Variants in CTNND1 observed in about 807,000 individuals in gnomAD.
CTNND1 encodes the protein catenin delta-1.
A neutral mutation model predicts 112.1 loss-of-function variants in CTNND1; 16 were observed. The observed-to-expected ratio is 0.14, with a 90% CI of 0.10 to 0.22. The LOEUF (loss-of-function observed/expected upper bound fraction) is 0.22, where lower values mean the gene tolerates loss of function less well. CTNND1 is among the 10% of genes least tolerant of loss of function. The pLI, the probability that CTNND1 is intolerant of heterozygous loss-of-function variation, is 1.00. For synonymous variants in CTNND1, 420 were observed against 446.5 expected (o/e 0.94, Z 0.75); for missense variants, 1,008 against 1,257.0 (o/e 0.80, Z 3.00).
intron 12 of CTNND1, among the ~76,000 whole-genome samples, chr11:57,807,774 G>A (rs1290688991): frequency 6.6e-6 from 1 of 152,070 alleles, no homozygotes; most frequent in Non-Finnish European, 1.5e-5. Flanking sequence ...AATCGCAGAG[G>A]TGGGAAGAAT....
intron 1 of CTNND1, among the ~76,000 whole-genome samples, chr11:57,787,748 C>T (rs1306728246): frequency 6.6e-6 from 1 of 152,194 alleles, no homozygotes; most frequent in East Asian, 1.9e-4. Context: ...AGAATATCTC[C>T]CCATGCTTTT....
chr11:57,815,378 T>C lies in CTNND1; in HGVS notation c.2702-16T>C. ...GGGAATGTCATATTTCTGTGTACTT[T>C]TTTTTTTTTAACCAGATAACAACTA... On this transcript the variant is annotated splice_polypyrimidine_tract_variant and intron_variant, in intron 18 of 20. Transcript: ENST00000399050. The C allele has an allele frequency of 6.7e-7, 1 of 1,488,594 alleles. No individual in the cohort carries two copies. The highest frequency in any genetic ancestry group is 9.1e-7 in the Non-Finnish European group (1 of 1,094,792). The allele number at this position is 1,488,594 out of a possible 1,614,324, so 92.2% of individuals were successfully genotyped here.
intron 7 of CTNND1, among the ~76,000 whole-genome samples, chr11:57,802,725 G>C (rs1005962542): frequency 3.3e-5 from 5 of 152,220 alleles, no homozygotes; most frequent in African/African-American, 7.2e-5. Flanking sequence ...TAGTTTTTCA[G>C]ATTGTGGGTT....
At position 57,818,548 on chromosome 11, in the gene CTNND1, CAGA is replaced by C. The variant is rs1197110118; in HGVS notation, c.*2243_*2245del. 6.6e-6 allele frequency: 1 copy of C among 152,424 alleles called. No homozygotes were observed. The allele number at this position is 152,424 out of a possible 1,614,324, so 9.4% of individuals were successfully genotyped here. Reference sequence around the variant, plus strand: ...GTATCAGTGTCCTTTCCAGAGCAACCAGAAGGAGGTTATACCAGGATTTATTTT... The same window carrying C: ...GTATCAGTGTCCTTTCCAGAGCAACCAGGAGGTTATACCAGGATTTATTTT... On this transcript the variant is annotated 3_prime_UTR_variant, in exon 21 of 21. Coordinates refer to ENST00000399050, the MANE Select transcript of CTNND1 (RefSeq NM_001085458.2).
chr11:57,764,557 C>T (rs1164005854), intron 1 of CTNND1, among the ~76,000 whole-genome samples: 1 of 152,126 alleles, frequency 6.6e-6, no homozygotes, highest in African/African-American at 2.4e-5. Flanking sequence ...TGCCAAGGCC[C>T]TCATTCCCCC....
intron 11 of CTNND1, 188 bp from the exon 12 acceptor site, chr11:57,806,727 C>G (rs568580868): frequency 1.6e-6 from 1 of 633,726 alleles, no homozygotes; most frequent in African/African-American, 1.8e-5. Flanking sequence ...TACCTATCTG[C>G]TGCCTGTTTT....
chr11:57,794,276 A>G (rs2061098592), intron 4 of CTNND1, among the ~76,000 whole-genome samples, 195 bp downstream of exon 4: 1 of 152,110 alleles, frequency 6.6e-6, no homozygotes, highest in African/African-American at 2.4e-5. Flanking sequence ...AATTTTAATG[A>G]CCATTGATCT....
intron 9 of CTNND1, among the ~76,000 whole-genome samples, chr11:57,805,177 G>T (rs949544687): frequency 2.0e-5 from 3 of 152,228 alleles, no homozygotes; most frequent in African/African-American, 7.2e-5. Context: ...GGGATTACAG[G>T]CGTGAGCCAC....
chr11:57,813,108 A>T (rs1417123344), intron 17 of CTNND1, among the ~76,000 whole-genome samples: 1 of 152,078 alleles, frequency 6.6e-6, no homozygotes, highest in East Asian at 1.9e-4. Context: ...AGGCAGGAGG[A>T]TCATTTGAGC....
In CTNND1 at chr11:57,796,635, C is replaced by T. The variant is rs530255816; in HGVS notation, c.599C>T (p.Ala200Val). The T allele has an allele frequency of 6.2e-6, 10 of 1,614,032 alleles. No individual in the cohort carries two copies. The East Asian group carries it at 2.0e-4, about 32-fold the overall frequency. The change falls in exon 6 of 21, where the codon GCT (alanine) becomes GTT (valine). Residue 200 changes from alanine to valine, a missense_variant. Physicochemically the swap from Ala to Val is moderately conservative, Grantham distance 64. Coordinates refer to ENST00000399050, the MANE Select transcript of CTNND1 (RefSeq NM_001085458.2). ...PGPYVGQAGT[A>V]TLPRNFHYPP... Reference sequence around the variant, plus strand: ...CCCTATGTGGGGCAAGCTGGCACTGCTACCCTTCCTAGGAACTTCCACTAC... The same window carrying T: ...CCCTATGTGGGGCAAGCTGGCACTGTTACCCTTCCTAGGAACTTCCACTAC...
At position 57,814,299 on chromosome 11, in the gene CTNND1, G is replaced by T; in HGVS notation, c.2639-12G>T. ...TTGTTTTTGACATGGATAACTTTCT[G>T]ACTTCATACAGATAAGAAACCTGAT... On this transcript the variant is annotated splice_polypyrimidine_tract_variant and intron_variant, in intron 17 of 20. Transcript: ENST00000399050. 6.2e-7 allele frequency: 1 copy of T among 1,605,914 alleles called. No homozygotes were observed. The highest frequency in any genetic ancestry group is 1.1e-5 in the South Asian group (1 of 89,776).
chr11:57,804,900 C>T, intron 9 of CTNND1, 120 bp downstream of exon 9: 3 of 696,934 alleles, frequency 4.3e-6, no homozygotes, highest in South Asian at 3.7e-5. Context: ...TTATACTGTC[C>T]CCTACCCCTT....
chr11:57,781,053 C>T (rs577607046), intron 1 of CTNND1, among the ~76,000 whole-genome samples: 1 of 152,284 alleles, frequency 6.6e-6, no homozygotes, highest in South Asian at 2.1e-4. Context: ...ATTCTCCTGC[C>T]TCAGCCTCCC....
At chr11:57,799,633 C>T (rs1440683149) in intron 6 of CTNND1, among the ~76,000 whole-genome samples, 1 of 152,186 alleles carries the variant, frequency 6.6e-6, no homozygotes. Context: ...TTCCCAGGCA[C>T]AGCTTTGTTT....
chr11:57,784,163 C>T (rs1248154479), intron 1 of CTNND1, among the ~76,000 whole-genome samples: 1 of 151,784 alleles, frequency 6.6e-6, no homozygotes, highest in Admixed American at 6.5e-5. Flanking sequence ...CTCAAGTGAT[C>T]TGCCCACCTT....
chr11:57,782,262 G>A (rs937325397), intron 1 of CTNND1, among the ~76,000 whole-genome samples: 1 of 152,158 alleles, frequency 6.6e-6, no homozygotes, highest in African/African-American at 2.4e-5. Flanking sequence ...TAAGAGGAGG[G>A]TGGTCTGCCC....
intron 1 of CTNND1, among the ~76,000 whole-genome samples, chr11:57,780,741 C>T (rs941529402): frequency 1.3e-5 from 2 of 152,146 alleles, no homozygotes; most frequent in Admixed American, 6.5e-5. Flanking sequence ...CTCCCTGTTG[C>T]TTATCTCAAA....
chr11:57,769,316 C>T (rs965637899), intron 1 of CTNND1, among the ~76,000 whole-genome samples: 5 of 150,450 alleles, frequency 3.3e-5, no homozygotes, highest in East Asian at 1.9e-4. Context: ...GGCGAGACTC[C>T]GTCTCAAAAA....
rs557039435 is a variant in CTNND1 at position 57,767,121 on chromosome 11, G to A, written c.-214+5002G>A. 7.2e-5 allele frequency among the ~76,000 whole-genome samples: 11 copies of A among 152,148 alleles called. No individual in the cohort carries two copies. In the East Asian group the frequency reaches 7.7e-4, roughly 11 times the overall value. ...CAAGTAGCTGGGACTACAGGTGCGC[G>A]CCACCACGCCCTGCTAATTTTTTGT... On this transcript the variant is annotated intron_variant, in intron 1 of 20. Coordinates refer to ENST00000399050, the MANE Select transcript of CTNND1 (RefSeq NM_001085458.2).
Sources: allele counts gnomAD v4.1 joint callset (sites outside exome capture counted in the v4.1 genomes callset), GRCh38; gene constraint gnomAD v4.1.1; transcripts MANE v1.5; gene names NCBI Gene and HGNC (gene_info 2026-07-23, HGNC 2026-07-21).